The following FAF1 variants were observed in gnomAD, a reference collection of about 807,000 sequenced individuals.
FAF1 encodes the protein Fas associated factor 1.
A neutral mutation model predicts 92.5 loss-of-function variants in FAF1; 25 were observed. That is an observed-to-expected ratio of 0.27 (90% confidence interval 0.20 to 0.38). FAF1 has a LOEUF of 0.38. FAF1 is among the 10% of genes least tolerant of loss of function. The pLI, the probability that FAF1 is intolerant of heterozygous loss-of-function variation, is 1.00. For missense variants in FAF1, 636 were observed against 793.3 expected, an observed-to-expected ratio of 0.80 and a Z score of 2.38; for synonymous variants, 234 against 273.2, an observed-to-expected ratio of 0.86 and a Z score of 1.42.
At chr1:50,603,224 G>T (rs957709839) in intron 8 of FAF1, among the ~76,000 whole-genome samples, 1 of 152,182 alleles carries the variant, frequency 6.6e-6, no homozygotes. Flanking sequence ...CCATTAGTCA[G>T]AAACTACATA....
intron 2 of FAF1, among the ~76,000 whole-genome samples, chr1:50,835,930 T>C (rs1644197161): frequency 6.6e-6 from 1 of 152,136 alleles, no homozygotes; most frequent in African/African-American, 2.4e-5. Context: ...TAAAATAATC[T>C]GTGGGACATC....
intron 8 of FAF1, among the ~76,000 whole-genome samples, chr1:50,645,849 GA>G (rs1165202941): frequency 6.6e-6 from 1 of 150,934 alleles, no homozygotes; most frequent in African/African-American, 2.4e-5. Context: ...AAAAAAGGAA[GA>G]AAAAAAATAA....
chr1:50,481,844 C>A (rs1646707540), intron 17 of FAF1, among the ~76,000 whole-genome samples: 1 of 151,968 alleles, frequency 6.6e-6, no homozygotes, highest in African/African-American at 2.4e-5. Context: ...GGCCCAGGTG[C>A]CTGGCTTGAC....
chr1:50,792,536 A>C (rs1375915027), intron 3 of FAF1, among the ~76,000 whole-genome samples: 1 of 152,210 alleles, frequency 6.6e-6, no homozygotes, highest in Non-Finnish European at 1.5e-5. Flanking sequence ...AAGAGTCCAC[A>C]TTTCATGAGG....
chr1:50,845,937 A>G (rs532127212), intron 2 of FAF1, among the ~76,000 whole-genome samples: 7 of 152,244 alleles, frequency 4.6e-5, no homozygotes, highest in African/African-American at 1.4e-4. Flanking sequence ...AACCTGGCCA[A>G]CATGAGGAAA....
Position 50,941,037 on chromosome 1 carries a change from T to G in FAF1, c.45+18730A>C, listed in dbSNP as rs191849154. ...ATGCAGTTTGGGGTTTTTTTGGTTT[T>G]TTTTTTTTTTTTAAGACACAGTCTC... On this transcript the variant is annotated intron_variant, in intron 1 of 18. Coordinates refer to ENST00000396153, the MANE Select transcript of FAF1 (RefSeq NM_007051.3). Among the ~76,000 whole-genome samples the G allele has an allele frequency of 3.1e-3, 463 of 151,802 alleles. 4 individuals carry two copies. The highest frequency in any genetic ancestry group is 4.1e-3 in the Non-Finnish European group (278 of 67,878).
intron 15 of FAF1, among the ~76,000 whole-genome samples, chr1:50,530,402 TTC>T (rs1648087406): frequency 6.6e-6 from 1 of 151,920 alleles, no homozygotes; most frequent in Admixed American, 6.6e-5. Context: ...ATTGTTTTTG[TTC>T]TCTGTGTCTT....
At chr1:50,895,778 G>A (rs373356310) in intron 1 of FAF1, among the ~76,000 whole-genome samples, 11 of 151,990 alleles carry the variant, frequency 7.2e-5, no homozygotes, top group African/African-American at 2.7e-4. Flanking sequence ...TCGACAGAAT[G>A]AAGGACAAAA....
intron 2 of FAF1, among the ~76,000 whole-genome samples, chr1:50,834,078 C>G (rs528882901): frequency 7.2e-5 from 11 of 152,308 alleles, no homozygotes; most frequent in Admixed American, 2.0e-4. Flanking sequence ...TTCCCCCTTG[C>G]TGTTCTCATG....
chr1:50,610,135 T>C (rs1004475558), intron 8 of FAF1, among the ~76,000 whole-genome samples: 3 of 152,248 alleles, frequency 2.0e-5, no homozygotes, highest in Non-Finnish European at 4.4e-5. Context: ...TCCGTGGTTC[T>C]TACTGTACTC....
intron 3 of FAF1, among the ~76,000 whole-genome samples, chr1:50,792,525 A>G (rs527602459): frequency 6.6e-6 from 1 of 152,282 alleles, no homozygotes; most frequent in South Asian, 2.1e-4. Flanking sequence ...AAAACTCTCA[A>G]AAGAGTCCAC....
At chr1:50,677,838 T>C (rs1471242259) in intron 7 of FAF1, among the ~76,000 whole-genome samples, 3 of 140,022 alleles carry the variant, frequency 2.1e-5, no homozygotes, top group Admixed American at 7.9e-5. Context: ...GAGGTTGTGG[T>C]GAGCCGAGAT....
At chr1:50,514,789 T>C (rs17106251) in intron 15 of FAF1, among the ~76,000 whole-genome samples, 4,088 of 152,308 alleles carry the variant, frequency 0.027, 196 homozygotes, top group African/African-American at 0.093. Context: ...AATTTCAAAC[T>C]ATGGATTGCC....
At chr1:50,750,371 A>G (rs1659806709) in intron 4 of FAF1, among the ~76,000 whole-genome samples, 1 of 152,222 alleles carries the variant, frequency 6.6e-6, no homozygotes, top group African/African-American at 2.4e-5. Flanking sequence ...AGAATTTAAA[A>G]CATTAACTTA....
chr1:50,801,808 T>C lies in FAF1; in HGVS notation c.115-131A>G, dbSNP rs990259115. ...AACATAATACTAATTTTTTTAGTGA[T>C]GCAAAATGTTGTCTATTAAATGTTT... On this transcript the variant is annotated intron_variant, in intron 2 of 18. Coordinates refer to ENST00000396153, the MANE Select transcript of FAF1 (RefSeq NM_007051.3). 2.8e-5 allele frequency: 16 copies of C among 575,530 alleles called. No individual in the cohort carries two copies. In the Admixed American group the frequency reaches 3.9e-4, roughly 14 times the overall value. 35.7% of individuals were successfully genotyped at this position (575,530 alleles called of 1,614,324 possible). A position where few individuals can be genotyped will look rare whatever the true frequency, so the allele number is the denominator to read the frequency against.
At chr1:50,585,202 A>C (rs570961562) in intron 9 of FAF1, among the ~76,000 whole-genome samples, 2 of 152,306 alleles carry the variant, frequency 1.3e-5, no homozygotes, top group South Asian at 4.1e-4. Context: ...TGGCAGGTGG[A>C]GGCAATGGTA....
Position 50,438,039 on chromosome 1 carries a change from A to AAT in FAF1, c.*3400_*3401insAT, listed in dbSNP as rs1401193196. Reference sequence around the variant, plus strand: ...CTCTGTCTCAAAAAAAAAAAAAAAAAAAAAAAAAAATTAGAGATTCTTTGT... The same window carrying AAT: ...CTCTGTCTCAAAAAAAAAAAAAAAAAATAAAAAAAAAATTAGAGATTCTTTGT... On this transcript the variant is annotated 3_prime_UTR_variant, in exon 19 of 19. Coordinates refer to ENST00000396153, the MANE Select transcript of FAF1 (RefSeq NM_007051.3). 11 of 152,014 alleles carry AAT rather than the reference A, an allele frequency of 7.2e-5. No homozygotes were observed. Among genetic ancestry groups the AAT allele is most frequent in the Middle Eastern group, 3.4e-3 (1 of 294 alleles). The allele number at this position is 152,014 out of a possible 1,614,324, so 9.4% of individuals were successfully genotyped here.
intron 7 of FAF1, among the ~76,000 whole-genome samples, chr1:50,659,337 G>C (rs1288005554): frequency 1.3e-5 from 2 of 152,024 alleles, no homozygotes; most frequent in East Asian, 1.9e-4. Flanking sequence ...GGGAGAAATA[G>C]ATGATAGGGA....
At chr1:50,761,439 A>G (rs1376102340) in intron 4 of FAF1, among the ~76,000 whole-genome samples, 2 of 152,236 alleles carry the variant, frequency 1.3e-5, no homozygotes, top group East Asian at 1.9e-4. Context: ...AAAATCCTCA[A>G]TCAAATACTG....
Sources: gnomAD v4.1 joint callset for allele counts (sites outside exome capture counted in the v4.1 genomes callset) on GRCh38, gnomAD v4.1.1 for gene constraint, MANE v1.5 for transcripts, NCBI Gene and HGNC (gene_info 2026-07-23, HGNC 2026-07-21) for gene names.